CYSLTR2: variants seen among roughly 807,000 people sequenced by gnomAD.
The protein encoded by CYSLTR2 is G-protein coupled receptor GPCR21.
For synonymous variants in CYSLTR2, 179 were observed against 160.8 expected (o/e 1.11, Z -0.86); for missense variants, 398 against 411.9 (o/e 0.97, Z 0.29).
intron 1 of CYSLTR2, among the ~76,000 whole-genome samples, chr13:48,689,511 A>T (rs541300232): frequency 6.6e-6 from 1 of 152,268 alleles, no homozygotes; most frequent in African/African-American, 2.4e-5. Context: ...TAAGTAGGGA[A>T]TTCTTTCCCC....
chr13:48,675,274 G>C (rs1953563290), intron 1 of CYSLTR2, among the ~76,000 whole-genome samples: 1 of 152,194 alleles, frequency 6.6e-6, no homozygotes, highest in Admixed American at 6.5e-5. Flanking sequence ...CTGTCCCAGA[G>C]AGATGGGAGC....
chr13:48,674,179 G>A lies in CYSLTR2; in HGVS notation c.-265-17033G>A, dbSNP rs560660811. Among the ~76,000 whole-genome samples the A allele has an allele frequency of 6.6e-5, 10 of 152,204 alleles. No individual in the cohort carries two copies. In the South Asian group the frequency reaches 2.1e-3, roughly 32 times the overall value. ...TTTGAATGTTGGCCTGTCTTGCTAGGGTAGGGAAGTTCTCTTGGATAATAT... is the reference window on the plus strand; with the variant it reads ...TTTGAATGTTGGCCTGTCTTGCTAGAGTAGGGAAGTTCTCTTGGATAATAT... On this transcript the variant is annotated intron_variant, in intron 1 of 4. Transcript: ENST00000682523.
rs147600458 is a variant in CYSLTR2, at chr13:48,683,489, G to C, written c.-265-7723G>C. On this transcript the variant is annotated intron_variant, in intron 1 of 4. Coordinates refer to ENST00000682523, the MANE Select transcript of CYSLTR2 (RefSeq NM_001308476.3). ...CATTTATCTAATGATCAGTGATATT[G>C]AGCTTTTTTTTCATATGTTTATTGG... 3.3e-5 allele frequency among the ~76,000 whole-genome samples: 5 copies of C among 152,142 alleles called. No individual in the cohort carries two copies. The East Asian group carries it at 9.6e-4, about 29-fold the overall frequency.
At chr13:48,684,153 T>C (rs1953835545) in intron 1 of CYSLTR2, among the ~76,000 whole-genome samples, 1 of 152,094 alleles carries the variant, frequency 6.6e-6, no homozygotes, top group Non-Finnish European at 1.5e-5. Flanking sequence ...GATCTTGAAC[T>C]CTGAGCCTCA....
Position 48,669,687 on chromosome 13 carries a change from T to A in CYSLTR2, c.-266+15670T>A, listed in dbSNP as rs184303675. Among the ~76,000 whole-genome samples, 747 of 152,312 alleles carry A rather than the reference T, an allele frequency of 4.9e-3. 3 individuals carry two copies. The highest frequency in any genetic ancestry group is 0.014 in the Middle Eastern group (4 of 294). ...TTTATCCAGTCTATCATTGATGGGC[T>A]TTTGGGTTGGTTCCAAGTCTTTGCT... On this transcript the variant is annotated intron_variant, in intron 1 of 4. Coordinates refer to ENST00000682523, the MANE Select transcript of CYSLTR2 (RefSeq NM_001308476.3).
intron 1 of CYSLTR2, among the ~76,000 whole-genome samples, chr13:48,671,535 C>T (rs1408163853): frequency 6.6e-6 from 1 of 152,126 alleles, no homozygotes; most frequent in African/African-American, 2.4e-5. Flanking sequence ...TTGAGATATT[C>T]ATGTGGTTTT....
At chr13:48,668,846 G>A (rs1238551241) in intron 1 of CYSLTR2, among the ~76,000 whole-genome samples, 1 of 152,096 alleles carries the variant, frequency 6.6e-6, no homozygotes, top group African/African-American at 2.4e-5. Flanking sequence ...ACTTCTGAGT[G>A]AGAACATGCG....
In CYSLTR2 at chr13:48,695,046, C is replaced by A. The variant is rs147087250; in HGVS notation, c.-102-1480C>A. Among the ~76,000 whole-genome samples, 646 of 144,622 alleles carry A rather than the reference C, an allele frequency of 4.5e-3. 3 individuals are homozygous for A. The highest frequency in any genetic ancestry group is 0.015 in the Middle Eastern group (4 of 270). The allele number at this position is 144,622 out of a possible 152,430, so 94.9% of individuals were successfully genotyped here. ...CCCGCAATGGTAACATCTTGCAAGA[C>A]CATGGTATATCAGAACCTGGCATTT... is the stretch of plus-strand genomic sequence containing the variant. On this transcript the variant is annotated intron_variant, in intron 3 of 4. Coordinates refer to ENST00000682523, the MANE Select transcript of CYSLTR2 (RefSeq NM_001308476.3).
rs1214237299 is a variant in CYSLTR2 at position 48,707,395 on chromosome 13, A to G, written c.578A>G (p.Tyr193Cys). ...SVTSCLELNL[Y>C]KIAKLQTMNY... ...ACATCATGCTTAGAGCTGAATCTCT[A>G]TAAAATTGCTAAGCTGCAGACCATG... is the stretch of plus-strand genomic sequence containing the variant. Residue 193 changes from tyrosine (Y) to cysteine (C), a missense_variant, in exon 5 of 5, where the codon TAT becomes TGT. Tyr to Cys is a radical substitution (Grantham distance 194). Transcript: ENST00000682523. 1.2e-6 allele frequency: 2 copies of G among 1,614,012 alleles called. No individual in the cohort carries two copies. The highest frequency in any genetic ancestry group is 1.7e-6 in the Non-Finnish European group (2 of 1,180,034).
chr13:48,666,679 G>A (rs745437974), intron 1 of CYSLTR2, among the ~76,000 whole-genome samples: 11 of 151,924 alleles, frequency 7.2e-5, no homozygotes, highest in Non-Finnish European at 1.5e-4. Context: ...CCAGTCTGTT[G>A]TTGAAGCTCT....
At chr13:48,660,307 G>A (rs1369618882) in intron 1 of CYSLTR2, among the ~76,000 whole-genome samples, 2 of 152,146 alleles carry the variant, frequency 1.3e-5, no homozygotes, top group African/African-American at 4.8e-5. Context: ...TTGTTCTCTG[G>A]GAGATAACAG....
In CYSLTR2 at chr13:48,707,030, A is replaced by G; in HGVS notation, c.213A>G (p.Thr71=). The G allele has an allele frequency of 6.2e-7, 1 of 1,614,170 alleles. No homozygotes were observed. The highest frequency in any genetic ancestry group is 2.2e-5 in the East Asian group (1 of 44,882). ...TCCTGCAGCCTTATAAGAAGTCCAC[A>G]TCTGTGAACGTTTTCATGCTAAATC... The part of the protein sequence containing the change: ...YVFLQPYKKS[T]SVNVFMLNLA... The change falls in exon 5 of 5, where the codon ACA becomes ACG. Residue 71 remains threonine (T), a synonymous_variant. Coordinates refer to ENST00000682523, the MANE Select transcript of CYSLTR2 (RefSeq NM_001308476.3).
intron 1 of CYSLTR2, among the ~76,000 whole-genome samples, chr13:48,668,228 T>C (rs1290094431): frequency 1.3e-5 from 2 of 150,494 alleles, no homozygotes; most frequent in East Asian, 1.9e-4. Flanking sequence ...ACAAGTGCCA[T>C]AGGGATAAAA....
Position 48,708,183 on chromosome 13 carries a change from AT to A in CYSLTR2, c.*327del, listed in dbSNP as rs2139016858. The stretch of plus-strand genomic sequence containing the variant: ...ATCTCTGGCCCATCAGGCTTTCTAA[AT>A]TCTTCAAAAGAGCCACAACTTCCCC... On this transcript the variant is annotated 3_prime_UTR_variant, in exon 5 of 5. Coordinates refer to ENST00000682523, the MANE Select transcript of CYSLTR2 (RefSeq NM_001308476.3). The A allele has an allele frequency of 4.9e-6, 1 of 203,264 alleles. No individual in the cohort carries two copies. Among genetic ancestry groups the A allele is most frequent in the African/African-American group, 2.3e-5 (1 of 42,806 alleles). The allele number at this position is 203,264 out of a possible 1,614,324, so 12.6% of individuals were successfully genotyped here. A position where few individuals can be genotyped will look rare whatever the true frequency, so the allele number is the denominator to read the frequency against.
rs201318423 is a variant in CYSLTR2, at chr13:48,707,893, G to C, written c.*35G>C. On this transcript the variant is annotated 3_prime_UTR_variant, in exon 5 of 5. Coordinates refer to ENST00000682523, the MANE Select transcript of CYSLTR2 (RefSeq NM_001308476.3). Reference sequence around the variant, plus strand: ...AGATGAGACCTGTTCTTGTATCCTTGTGTCCATCTTCATTCACTCATAGTC... The same window carrying C: ...AGATGAGACCTGTTCTTGTATCCTTCTGTCCATCTTCATTCACTCATAGTC... 1.4e-6 allele frequency: 2 copies of C among 1,466,872 alleles called. No individual in the cohort carries two copies. The highest frequency in any genetic ancestry group is 1.8e-6 in the Non-Finnish European group (2 of 1,099,144). 90.9% of individuals were successfully genotyped at this position (1,466,872 alleles called of 1,614,324 possible).
At chr13:48,659,129 C>G (rs555149896) in intron 1 of CYSLTR2, among the ~76,000 whole-genome samples, 2 of 152,102 alleles carry the variant, frequency 1.3e-5, no homozygotes, top group South Asian at 4.2e-4. Flanking sequence ...AGACACTGGG[C>G]AGCAGGACAA....
At chr13:48,699,759 G>A (rs545430085) in intron 4 of CYSLTR2, among the ~76,000 whole-genome samples, 2 of 152,058 alleles carry the variant, frequency 1.3e-5, no homozygotes, top group South Asian at 4.1e-4. Context: ...CAACAAAATT[G>A]ATAGACTGCT....
At chr13:48,681,468 G>C (rs1238094269) in intron 1 of CYSLTR2, among the ~76,000 whole-genome samples, 1 of 152,134 alleles carries the variant, frequency 6.6e-6, no homozygotes, top group African/African-American at 2.4e-5. Flanking sequence ...ACTGTGGCCT[G>C]GTAGTAAGTG....
At chr13:48,666,199 T>C (rs1485493075) in intron 1 of CYSLTR2, among the ~76,000 whole-genome samples, 1 of 152,176 alleles carries the variant, frequency 6.6e-6, no homozygotes, top group South Asian at 2.1e-4. Context: ...AGGTTTTTTC[T>C]TTTGGTATGT....
Sources: allele counts gnomAD v4.1 joint callset (sites outside exome capture counted in the v4.1 genomes callset), GRCh38; gene constraint gnomAD v4.1.1; transcripts MANE v1.5; gene names NCBI Gene and HGNC (gene_info 2026-07-23, HGNC 2026-07-21).